The following ZBTB46 variants were observed in gnomAD, a reference collection of about 807,000 sequenced individuals.
ZBTB46 encodes zinc finger and BTB domain-containing protein 46.
Under a neutral mutation model 44.1 loss-of-function variants are expected in ZBTB46, and 8 were observed. That is an observed-to-expected ratio of 0.18 (90% CI 0.11 to 0.33). ZBTB46 has a LOEUF of 0.33. Among genes scored for constraint, ZBTB46 ranks in the 10% least tolerant of loss-of-function variants. The pLI is 1.00. For synonymous variants in ZBTB46, 409 were observed against 382.3 expected, an observed-to-expected ratio of 1.07 and a Z score of -0.81; for missense variants, 651 against 847.7, an observed-to-expected ratio of 0.77 and a Z score of 2.88.
chr20:63,757,403 G>T (rs1173663508), intron 3 of ZBTB46, among the ~76,000 whole-genome samples: 2 of 152,164 alleles, frequency 1.3e-5, no homozygotes, highest in African/African-American at 4.8e-5. Context: ...GATTACAGGT[G>T]TGAGCCATCG....
intron 3 of ZBTB46, among the ~76,000 whole-genome samples, chr20:63,757,533 C>A (rs1215835691): frequency 2.0e-5 from 3 of 152,178 alleles, no homozygotes; most frequent in African/African-American, 7.2e-5. Flanking sequence ...GCCTCACGGG[C>A]CCTGGCGGCG....
intron 1 of ZBTB46, among the ~76,000 whole-genome samples, chr20:63,794,027 A>G (rs758741393): frequency 6.6e-6 from 1 of 151,970 alleles, no homozygotes; most frequent in Non-Finnish European, 1.5e-5. Flanking sequence ...TCTACTAAAA[A>G]TACAAAAAAT....
At chr20:63,817,669 T>G (rs1413662013) in intron 1 of ZBTB46, among the ~76,000 whole-genome samples, 1 of 145,026 alleles carries the variant, frequency 6.9e-6, no homozygotes, top group Non-Finnish European at 1.5e-5. Flanking sequence ...TGAGCTGAAA[T>G]GGTGCCACTA....
At chr20:63,756,779 A>G (rs1601400538) in intron 3 of ZBTB46, among the ~76,000 whole-genome samples, 1 of 151,818 alleles carries the variant, frequency 6.6e-6, no homozygotes, top group South Asian at 2.1e-4. Flanking sequence ...GTGGGATCCT[A>G]CCCTCGTGTT....
At chr20:63,801,700 C>T (rs1326744108) in intron 1 of ZBTB46, among the ~76,000 whole-genome samples, 2 of 152,164 alleles carry the variant, frequency 1.3e-5, no homozygotes, top group South Asian at 2.1e-4. Flanking sequence ...ACTCCAAACA[C>T]GTCTGAACAT....
At chr20:63,769,152 T>C in intron 3 of ZBTB46, 4 of 982,696 alleles carry the variant, frequency 4.1e-6, no homozygotes, top group Non-Finnish European at 4.8e-6. Flanking sequence ...CCCGGGCTCA[T>C]CTGGGCCGTG....
At chr20:63,779,911 T>A (rs1422230742) in intron 2 of ZBTB46, among the ~76,000 whole-genome samples, 1 of 151,940 alleles carries the variant, frequency 6.6e-6, no homozygotes, top group Admixed American at 6.6e-5. Flanking sequence ...TTGTAACAAA[T>A]CAAGGTGAAA....
intron 3 of ZBTB46, among the ~76,000 whole-genome samples, chr20:63,774,628 G>GC (rs780316146): frequency 5.1e-4 from 78 of 151,804 alleles, no homozygotes; most frequent in South Asian, 2.7e-3. Context: ...ACCAGGCCTT[G>GC]CCCGGGGGCC....
At chr20:63,795,152 G>A (rs1215739742) in intron 1 of ZBTB46, among the ~76,000 whole-genome samples, 1 of 152,198 alleles carries the variant, frequency 6.6e-6, no homozygotes, top group African/African-American at 2.4e-5. Flanking sequence ...TTTTTCTGAG[G>A]CTTCTTGGTA....
chr20:63,793,917 TGGCTCACGC>T (rs1265709435), intron 1 of ZBTB46, among the ~76,000 whole-genome samples: 1 of 152,206 alleles, frequency 6.6e-6, no homozygotes, highest in Non-Finnish European at 1.5e-5. Flanking sequence ...CCAGGCGCGG[TGGCTCACGC>T]CTGTAATCCC....
At chr20:63,782,686 C>T (rs115412712) in intron 2 of ZBTB46, among the ~76,000 whole-genome samples, 10 of 152,280 alleles carry the variant, frequency 6.6e-5, no homozygotes, top group Non-Finnish European at 7.4e-5. Context: ...CCATGCCCCA[C>T]GACCCACGCC....
At chr20:63,748,546 C>T (rs1444047065) in intron 4 of ZBTB46, among the ~76,000 whole-genome samples, 1 of 152,220 alleles carries the variant, frequency 6.6e-6, no homozygotes, top group Non-Finnish European at 1.5e-5. Context: ...TCCCTCACAG[C>T]ACAGCCCCTG....
At chr20:63,817,522 C>T (rs2092766253) in intron 1 of ZBTB46, among the ~76,000 whole-genome samples, 1 of 151,994 alleles carries the variant, frequency 6.6e-6, no homozygotes, top group Non-Finnish European at 1.5e-5. Flanking sequence ...CGAGACCAGC[C>T]TGGGCAACAT....
chr20:63,819,982 G>C (rs1289692056), intron 1 of ZBTB46, among the ~76,000 whole-genome samples: 2 of 152,162 alleles, frequency 1.3e-5, no homozygotes, highest in African/African-American at 2.4e-5. Flanking sequence ...ATCACCGTAG[G>C]CAGCGAAACA....
chr20:63,815,226 AGTGAGTGCAATGGGTG>A, intron 1 of ZBTB46: 1 of 225,948 alleles, frequency 4.4e-6, no homozygotes, highest in Non-Finnish European at 8.9e-6. Flanking sequence ...GTGCAAGTGC[AGTGAGTGCAATGGGTG>A]CAGGTGCAGT....
chr20:63,804,897 A>C (rs529149647), intron 1 of ZBTB46, among the ~76,000 whole-genome samples: 105 of 151,176 alleles, frequency 6.9e-4, no homozygotes, highest in African/African-American at 2.4e-3. Context: ...GTCTCAAAAA[A>C]ACAACAACAA....
intron 3 of ZBTB46, among the ~76,000 whole-genome samples, chr20:63,761,900 CTGA>C (rs2092281169): frequency 6.6e-6 from 1 of 151,958 alleles, no homozygotes; most frequent in Non-Finnish European, 1.5e-5. Context: ...CTTCTTGTTA[CTGA>C]TTTCTAATTC....
intron 1 of ZBTB46, chr20:63,808,005 G>A (rs578255102): frequency 6.6e-6 from 1 of 151,996 alleles, no homozygotes; most frequent in African/African-American, 2.4e-5. Flanking sequence ...GGACACTCAC[G>A]GAAGCTGAAC....
At chr20:63,763,559 C>T (rs755353429) in intron 3 of ZBTB46, among the ~76,000 whole-genome samples, 4 of 152,098 alleles carry the variant, frequency 2.6e-5, no homozygotes, top group African/African-American at 9.7e-5. Context: ...CGCTTTTAAT[C>T]GACCGGATCT....
Sources: allele counts gnomAD v4.1 joint callset (sites outside exome capture counted in the v4.1 genomes callset), GRCh38; gene constraint gnomAD v4.1.1; transcripts MANE v1.5; gene names NCBI Gene and HGNC (gene_info 2026-07-23, HGNC 2026-07-21).